The following CTNNA3 variants were observed in gnomAD, a reference collection of about 807,000 sequenced individuals.
CTNNA3 encodes catenin alpha-3.
In CTNNA3, 76 loss-of-function variants were observed where a neutral mutation model predicts 95.7. The ratio of observed to expected loss-of-function variants is 0.79; its 90% CI spans 0.66 to 0.96. CTNNA3 has a LOEUF of 0.96. CTNNA3 is among the 40% of genes least tolerant of loss of function. The pLI is 0.00. For missense variants in CTNNA3, 1,191 were observed against 1,089.8 expected, an observed-to-expected ratio of 1.09 and a Z score of -1.31; for synonymous variants, 431 against 374.4, an observed-to-expected ratio of 1.15 and a Z score of -1.74.
chr10:66,220,147 T>G (rs1263018326), intron 13 of CTNNA3, among the ~76,000 whole-genome samples: 1 of 151,912 alleles, frequency 6.6e-6, no homozygotes, highest in African/African-American at 2.4e-5. Flanking sequence ...AGAAGAAGAA[T>G]AAAGATATCC....
chr10:65,927,750 T>C (rs1390834442), intron 17 of CTNNA3, among the ~76,000 whole-genome samples: 1 of 152,198 alleles, frequency 6.6e-6, no homozygotes, highest in East Asian at 1.9e-4. Context: ...TAAATAAAGT[T>C]GTTATGGCAT....
chr10:66,322,058 GTAGA>G (rs2092194721), intron 12 of CTNNA3, among the ~76,000 whole-genome samples: 1 of 152,120 alleles, frequency 6.6e-6, no homozygotes, highest in African/African-American at 2.4e-5. Context: ...AGCTCTGCTG[GTAGA>G]TAGGGCCCAG....
chr10:67,389,476 C>T (rs1844358861), intron 5 of CTNNA3, among the ~76,000 whole-genome samples: 1 of 151,960 alleles, frequency 6.6e-6, no homozygotes, highest in South Asian at 2.1e-4. Flanking sequence ...ACTTTAACAC[C>T]CCACTGTCAA....
chr10:67,225,972 AACAAT>A (rs1241485521), intron 5 of CTNNA3, among the ~76,000 whole-genome samples: 7 of 152,186 alleles, frequency 4.6e-5, no homozygotes, highest in African/African-American at 1.4e-4. Flanking sequence ...AAATCCAAAA[AACAAT>A]ACAAGAAGTG....
chr10:67,689,581 G>A (rs1171292879), intron 1 of CTNNA3, among the ~76,000 whole-genome samples: 1 of 152,114 alleles, frequency 6.6e-6, no homozygotes, highest in Non-Finnish European at 1.5e-5. Context: ...GGATAGATGG[G>A]CAAGTCTCGC....
At chr10:66,830,931 C>T (rs558857111) in intron 7 of CTNNA3, among the ~76,000 whole-genome samples, 1 of 151,974 alleles carries the variant, frequency 6.6e-6, no homozygotes, top group African/African-American at 2.4e-5. Flanking sequence ...CTTTAAGCAA[C>T]CTTTATGTCC....
intron 5 of CTNNA3, among the ~76,000 whole-genome samples, chr10:67,366,215 G>T (rs1843209860): frequency 6.6e-6 from 1 of 152,108 alleles, no homozygotes; most frequent in Non-Finnish European, 1.5e-5. Context: ...TCGGGGGTTG[G>T]GGGGCTGAGG....
chr10:67,733,862 A>G (rs1193114328), intron 1 of CTNNA3, among the ~76,000 whole-genome samples: 1 of 152,192 alleles, frequency 6.6e-6, no homozygotes. Context: ...TTAAGAGATT[A>G]AAAAATAGCA....
intron 10 of CTNNA3, among the ~76,000 whole-genome samples, chr10:66,539,169 C>T (rs993551474): frequency 7.9e-5 from 12 of 151,968 alleles, no homozygotes; most frequent in African/African-American, 1.9e-4. Context: ...AGTGTACATC[C>T]GGAAAAATAG....
At chr10:67,449,128 G>A (rs1846868856) in intron 5 of CTNNA3, among the ~76,000 whole-genome samples, 2 of 152,036 alleles carry the variant, frequency 1.3e-5, no homozygotes, top group Admixed American at 6.6e-5. Context: ...TAACAAGGGA[G>A]GGGAAAGATC....
chr10:67,534,023 G>C (rs979502800), intron 4 of CTNNA3, among the ~76,000 whole-genome samples: 7 of 149,524 alleles, frequency 4.7e-5, no homozygotes, highest in African/African-American at 9.9e-5. Flanking sequence ...AACAAAAACA[G>C]AAAATGTAGC....
At chr10:66,639,873 T>A (rs1845456596) in intron 9 of CTNNA3, among the ~76,000 whole-genome samples, 1 of 152,086 alleles carries the variant, frequency 6.6e-6, no homozygotes, top group Non-Finnish European at 1.5e-5. Flanking sequence ...CACTTTTAAT[T>A]CATTACTGTA....
In CTNNA3 at chr10:66,739,515, T is replaced by TAGTGATTTAGTTA. The variant is rs1229624340; in HGVS notation, c.1281+26736_1281+26748dup. Among the ~76,000 whole-genome samples the TAGTGATTTAGTTA allele has an allele frequency of 2.0e-5, 3 of 152,354 alleles. No homozygotes were observed. In the East Asian group the frequency reaches 5.8e-4, roughly 29 times the overall value. On this transcript the variant is annotated intron_variant, in intron 9 of 17. Transcript: ENST00000433211. ...GAAAGGTGAATTAAGCATCCACAGC[T>TAGTGATTTAGTTA]AGTGATTTAGTTAAAATATGTTATG... is the stretch of plus-strand genomic sequence containing the variant.
intron 15 of CTNNA3, among the ~76,000 whole-genome samples, chr10:66,066,143 G>T (rs149729101): frequency 0.083 from 12,655 of 151,982 alleles, 794 homozygotes; most frequent in East Asian, 0.19. Flanking sequence ...GATTACAGGC[G>T]TGAGCCACCG....
chr10:66,939,060 A>G (rs1476469040), intron 7 of CTNNA3, among the ~76,000 whole-genome samples: 1 of 152,054 alleles, frequency 6.6e-6, no homozygotes, highest in Non-Finnish European at 1.5e-5. Flanking sequence ...CCAAGGGAAC[A>G]CCCTACGCTA....
intron 12 of CTNNA3, among the ~76,000 whole-genome samples, chr10:66,283,957 T>C (rs2091538526): frequency 6.6e-6 from 1 of 151,846 alleles, no homozygotes; most frequent in South Asian, 2.1e-4. Flanking sequence ...GAAAATGAGG[T>C]TTAGACATTA....
At chr10:67,546,091 A>C (rs754723138) in intron 3 of CTNNA3, among the ~76,000 whole-genome samples, 1 of 152,162 alleles carries the variant, frequency 6.6e-6, no homozygotes, top group Non-Finnish European at 1.5e-5. Context: ...GAAATTTTTT[A>C]ATTTTCAAAA....
intron 11 of CTNNA3, among the ~76,000 whole-genome samples, chr10:66,495,777 T>G (rs1332705435): frequency 1.3e-5 from 2 of 152,134 alleles, no homozygotes; most frequent in Admixed American, 6.5e-5. Context: ...TGCCTCAGCC[T>G]CCTGAGTAGC....
intron 5 of CTNNA3, among the ~76,000 whole-genome samples, chr10:67,318,096 G>A (rs1185306708): frequency 6.6e-6 from 1 of 151,890 alleles, no homozygotes; most frequent in Non-Finnish European, 1.5e-5. Flanking sequence ...ATATGTAGGA[G>A]AAAATGCCTA....
Sources: allele counts gnomAD v4.1 joint callset (sites outside exome capture counted in the v4.1 genomes callset), GRCh38; gene constraint gnomAD v4.1.1; transcripts MANE v1.5; gene names NCBI Gene and HGNC (gene_info 2026-07-23, HGNC 2026-07-21).